Variants in GRM8 observed in about 807,000 individuals in gnomAD.
GRM8 encodes metabotropic glutamate receptor 8.
A neutral mutation model predicts 87.2 loss-of-function variants in GRM8; 47 were observed. The ratio of observed to expected loss-of-function variants is 0.54; its 90% CI spans 0.43 to 0.69. The LOEUF (loss-of-function observed/expected upper bound fraction) is 0.69. GRM8 is among the 30% of genes least tolerant of loss of function. GRM8 has a pLI of 0.00. For synonymous variants in GRM8, 396 were observed against 404.5 expected, an observed-to-expected ratio of 0.98 and a Z score of 0.25; for missense variants, 1,019 against 1,139.2, an observed-to-expected ratio of 0.89 and a Z score of 1.52.
At chr7:126,714,450 C>T (rs1018949626) in intron 7 of GRM8, among the ~76,000 whole-genome samples, 1 of 151,958 alleles carries the variant, frequency 6.6e-6, no homozygotes, top group Non-Finnish European at 1.5e-5. Context: ...CCATTTTACA[C>T]ATGGAAAAAA....
intron 7 of GRM8, among the ~76,000 whole-genome samples, chr7:126,688,739 GACACACACAC>G (rs3831573): frequency 2.7e-5 from 4 of 145,720 alleles, no homozygotes; most frequent in Admixed American, 6.9e-5. Context: ...CTCTCTTTCT[GACACACACAC>G]ACACACACAC....
intron 3 of GRM8, among the ~76,000 whole-genome samples, chr7:127,042,832 C>T (rs545594297): frequency 6.6e-6 from 1 of 152,152 alleles, no homozygotes; most frequent in Non-Finnish European, 1.5e-5. Flanking sequence ...AGGCAACCTA[C>T]AGAATGGGAG....
At chr7:126,785,660 G>A (rs972709423) in intron 6 of GRM8, among the ~76,000 whole-genome samples, 1 of 151,878 alleles carries the variant, frequency 6.6e-6, no homozygotes, top group Admixed American at 6.6e-5. Context: ...TCTCCATCCT[G>A]CCACCTAAAT....
At chr7:126,581,491 T>A (rs1323490893) in intron 8 of GRM8, among the ~76,000 whole-genome samples, 1 of 152,106 alleles carries the variant, frequency 6.6e-6, no homozygotes, top group East Asian at 1.9e-4. Flanking sequence ...AGGAAATGAA[T>A]AAGTTCATGC....
At chr7:127,178,424 T>C (rs930791083) in intron 2 of GRM8, among the ~76,000 whole-genome samples, 1 of 152,172 alleles carries the variant, frequency 6.6e-6, no homozygotes, top group East Asian at 1.9e-4. Context: ...TTGGAAAACA[T>C]ATTTGGGGGA....
chr7:127,064,666 A>G (rs969511378), intron 3 of GRM8, among the ~76,000 whole-genome samples: 1 of 152,176 alleles, frequency 6.6e-6, no homozygotes, highest in Non-Finnish European at 1.5e-5. Flanking sequence ...AGGAACTTAA[A>G]CAAATTTATA....
chr7:126,905,045 T>C (rs1188920264), intron 3 of GRM8, among the ~76,000 whole-genome samples: 1 of 152,228 alleles, frequency 6.6e-6, no homozygotes, highest in Non-Finnish European at 1.5e-5. Context: ...AATAAAAGTA[T>C]GAATATGTCT....
At chr7:126,986,160 T>G (rs897489052) in intron 3 of GRM8, among the ~76,000 whole-genome samples, 2 of 152,058 alleles carry the variant, frequency 1.3e-5, no homozygotes, top group Non-Finnish European at 2.9e-5. Flanking sequence ...ACTAAAAGCA[T>G]GTGCCACCAC....
chr7:126,491,605 G>A (rs1274570820), intron 9 of GRM8, among the ~76,000 whole-genome samples: 3 of 151,982 alleles, frequency 2.0e-5, no homozygotes, highest in Non-Finnish European at 1.5e-5. Context: ...AACAATGAAT[G>A]GGAAACAAAG....
At chr7:126,996,673 A>G (rs1813207232) in intron 3 of GRM8, among the ~76,000 whole-genome samples, 1 of 152,130 alleles carries the variant, frequency 6.6e-6, no homozygotes, top group Non-Finnish European at 1.5e-5. Context: ...ATAAATTTAA[A>G]GACAAAAACT....
intron 8 of GRM8, among the ~76,000 whole-genome samples, chr7:126,557,431 T>G (rs1256524843): frequency 6.6e-6 from 1 of 152,230 alleles, no homozygotes; most frequent in East Asian, 1.9e-4. Flanking sequence ...CACAGGGCAC[T>G]TCTTTGCTGC....
At chr7:126,855,296 T>G (rs978209807) in intron 6 of GRM8, among the ~76,000 whole-genome samples, 5 of 152,130 alleles carry the variant, frequency 3.3e-5, no homozygotes, top group Non-Finnish European at 7.4e-5. Context: ...ATCTACATTG[T>G]GCTAGCTAAC....
chr7:126,493,623 C>T (rs573952191), intron 9 of GRM8, among the ~76,000 whole-genome samples: 3 of 152,010 alleles, frequency 2.0e-5, no homozygotes, highest in Non-Finnish European at 2.9e-5. Context: ...CTTTGACTAA[C>T]GCAGCCTCCC....
At chr7:127,145,544 C>T (rs1828509993) in intron 2 of GRM8, among the ~76,000 whole-genome samples, 1 of 152,136 alleles carries the variant, frequency 6.6e-6, no homozygotes, top group Non-Finnish European at 1.5e-5. Context: ...TATTACTGAA[C>T]ATCTGTAATA....
At chr7:126,495,716 G>C (rs1487420768) in intron 9 of GRM8, among the ~76,000 whole-genome samples, 1 of 151,980 alleles carries the variant, frequency 6.6e-6, no homozygotes. Context: ...CTTATACTGA[G>C]AACGAATGTG....
chr7:127,251,600 G>T (rs1399959918), intron 1 of GRM8, among the ~76,000 whole-genome samples: 1 of 151,950 alleles, frequency 6.6e-6, no homozygotes, highest in Non-Finnish European at 1.5e-5. Flanking sequence ...GGGGCCGTGG[G>T]GAGAGCGCCA....
chr7:126,890,715 G>A (rs1696243111), intron 6 of GRM8, among the ~76,000 whole-genome samples: 1 of 152,016 alleles, frequency 6.6e-6, no homozygotes, highest in Non-Finnish European at 1.5e-5. Flanking sequence ...AGTTGTGGCT[G>A]AAGAGACACA....
chr7:126,804,626 C>G (rs547740976), intron 6 of GRM8, among the ~76,000 whole-genome samples: 48 of 152,172 alleles, frequency 3.2e-4, no homozygotes, highest in Non-Finnish European at 6.0e-4. Flanking sequence ...ATCCATTCAA[C>G]GAAGACACCT....
At chr7:126,546,809 G>C (rs1369679407) in intron 8 of GRM8, among the ~76,000 whole-genome samples, 1 of 152,122 alleles carries the variant, frequency 6.6e-6, no homozygotes, top group Non-Finnish European at 1.5e-5. Context: ...CATTCCATAT[G>C]AGGCATCATA....
Sources: gnomAD v4.1 joint callset for allele counts (sites outside exome capture counted in the v4.1 genomes callset) on GRCh38, gnomAD v4.1.1 for gene constraint, MANE v1.5 for transcripts, NCBI Gene and HGNC (gene_info 2026-07-23, HGNC 2026-07-21) for gene names.